The following AGBL1 variants were observed in gnomAD, a reference collection of about 807,000 sequenced individuals.
The protein encoded by AGBL1 is cytosolic carboxypeptidase 4.
A neutral mutation model predicts 118.9 loss-of-function variants in AGBL1; 130 were observed. That is an observed-to-expected ratio of 1.09 (90% CI 0.95 to 1.26). The LOEUF (loss-of-function observed/expected upper bound fraction) is 1.26, where lower values mean the gene tolerates loss of function less well. Ranked by LOEUF, AGBL1 falls within the 50% of genes most tolerant of loss-of-function variation. The pLI, the probability that AGBL1 is intolerant of heterozygous loss-of-function variation, is 0.00. For missense variants in AGBL1, 1,584 were observed against 1,298.1 expected, an observed-to-expected ratio of 1.22 and a Z score of -3.38; for synonymous variants, 555 against 478.9, an observed-to-expected ratio of 1.16 and a Z score of -2.08.
intron 6 of AGBL1, among the ~76,000 whole-genome samples, chr15:86,242,010 G>A (rs2078648872): frequency 1.3e-5 from 2 of 152,106 alleles, no homozygotes; most frequent in Non-Finnish European, 2.9e-5. Flanking sequence ...CTGTTCTTAT[G>A]ATAGTTAATA....
intron 17 of AGBL1, among the ~76,000 whole-genome samples, chr15:86,358,969 T>G (rs957197569): frequency 6.6e-6 from 1 of 152,010 alleles, no homozygotes; most frequent in African/African-American, 2.4e-5. Context: ...TTTTCCATTT[T>G]GTAGGTTGCT....
intron 22 of AGBL1, among the ~76,000 whole-genome samples, chr15:86,774,998 T>C (rs2141295363): frequency 6.6e-6 from 1 of 152,326 alleles, no homozygotes; most frequent in Non-Finnish European, 1.5e-5. Context: ...AATGTTCATT[T>C]GTTTATTCAT....
At chr15:86,374,475 G>A (rs2081010543) in intron 17 of AGBL1, among the ~76,000 whole-genome samples, 1 of 152,212 alleles carries the variant, frequency 6.6e-6, no homozygotes, top group Non-Finnish European at 1.5e-5. Flanking sequence ...CTTGTCTTGT[G>A]TATACACTGC....
intron 22 of AGBL1, among the ~76,000 whole-genome samples, chr15:86,788,200 T>A (rs894953788): frequency 4.6e-5 from 7 of 152,228 alleles, no homozygotes; most frequent in Non-Finnish European, 1.0e-4. Context: ...CTTAGATGCT[T>A]TCTTTGGTCT....
chr15:86,284,009 T>G (rs187110735), intron 16 of AGBL1, among the ~76,000 whole-genome samples: 1 of 152,014 alleles, frequency 6.6e-6, no homozygotes, highest in Non-Finnish European at 1.5e-5. Flanking sequence ...AGTGACTACA[T>G]AGGCTATTTC....
intron 17 of AGBL1, among the ~76,000 whole-genome samples, chr15:86,325,210 AAAT>A (rs1478359165): frequency 6.6e-6 from 1 of 152,228 alleles, no homozygotes; most frequent in Non-Finnish European, 1.5e-5. Context: ...TGTGGACAAA[AAAT>A]AATGAGTATA....
At chr15:86,487,868 G>A (rs1313983442) in intron 18 of AGBL1, among the ~76,000 whole-genome samples, 2 of 152,086 alleles carry the variant, frequency 1.3e-5, no homozygotes, top group African/African-American at 4.8e-5. Context: ...CCTGCATAAT[G>A]GAACATCGCT....
Position 86,482,125 on chromosome 15 carries a change from C to T in AGBL1, c.2556-40685C>T, listed in dbSNP as rs528468057. The stretch of plus-strand genomic sequence containing the variant: ...TGACTTATAACTGTGATGAGTTAAC[C>T]TACTTTTGTAATATATTTATAATCC... On this transcript the variant is annotated intron_variant, in intron 18 of 22. Transcript: ENST00000614907. Among the ~76,000 whole-genome samples, 5 of 152,228 alleles carry T rather than the reference C, an allele frequency of 3.3e-5. 1 individual carries two copies. In the South Asian group the frequency reaches 1.0e-3, roughly 32 times the overall value.
At chr15:86,883,733 T>C (rs1372413487) in intron 22 of AGBL1, among the ~76,000 whole-genome samples, 3 of 152,028 alleles carry the variant, frequency 2.0e-5, no homozygotes, top group Non-Finnish European at 4.4e-5. Flanking sequence ...CCTTCTTCCA[T>C]TTTTTTTCTA....
chr15:86,182,209 T>C (rs1419081685), intron 5 of AGBL1, among the ~76,000 whole-genome samples: 1 of 151,922 alleles, frequency 6.6e-6, no homozygotes, highest in Non-Finnish European at 1.5e-5. Flanking sequence ...CAATTCAAGG[T>C]CTTGCCTCTA....
At chr15:86,496,457 G>A (rs1239087745) in intron 18 of AGBL1, among the ~76,000 whole-genome samples, 1 of 151,972 alleles carries the variant, frequency 6.6e-6, no homozygotes, top group Non-Finnish European at 1.5e-5. Flanking sequence ...CAGCAGAGAT[G>A]ATATAGCTTT....
At chr15:86,607,959 C>T (rs900161729) in intron 21 of AGBL1, among the ~76,000 whole-genome samples, 3 of 152,070 alleles carry the variant, frequency 2.0e-5, no homozygotes, top group African/African-American at 7.2e-5. Context: ...TATCTATAAA[C>T]CATAAGAGAA....
intron 17 of AGBL1, among the ~76,000 whole-genome samples, chr15:86,370,378 C>T (rs1308835790): frequency 1.3e-5 from 2 of 149,050 alleles, no homozygotes; most frequent in African/African-American, 5.0e-5. Flanking sequence ...GATCTCGGCT[C>T]ACTGCAACCT....
intron 22 of AGBL1, among the ~76,000 whole-genome samples, chr15:86,887,876 G>A (rs971539169): frequency 5.3e-5 from 8 of 152,182 alleles, no homozygotes; most frequent in Non-Finnish European, 1.0e-4. Context: ...CTTGGATAAG[G>A]GGGTCACTAC....
intron 23 of AGBL1, among the ~76,000 whole-genome samples, chr15:86,930,634 T>C (rs2080593482): frequency 1.3e-5 from 2 of 152,144 alleles, no homozygotes; most frequent in Admixed American, 1.3e-4. Flanking sequence ...TTATCTGCCA[T>C]GTGCTAGCTG....
chr15:86,860,968 T>G (rs2079551868), intron 22 of AGBL1, among the ~76,000 whole-genome samples: 1 of 152,108 alleles, frequency 6.6e-6, no homozygotes, highest in South Asian at 2.1e-4. Context: ...AGCAGGGATG[T>G]GGGAAGCTGT....
In AGBL1 at chr15:86,976,524, C is replaced by T. The variant is rs928180434; in HGVS notation, c.3222-11463C>T. Among the ~76,000 whole-genome samples, 4 of 151,916 alleles carry T rather than the reference C, an allele frequency of 2.6e-5. No homozygotes were observed. In the South Asian group the frequency reaches 8.3e-4, roughly 31 times the overall value. The stretch of plus-strand genomic sequence containing the variant: ...CACGCTAGAATAAACAACTGTTTTG[C>T]TAACTTTTGCATGCCTTTTTCTTAG... On this transcript the variant is annotated intron_variant, in intron 23 of 24. Transcript: ENST00000441037.
chr15:86,748,814 G>T (rs2077800374), intron 22 of AGBL1, among the ~76,000 whole-genome samples: 1 of 151,860 alleles, frequency 6.6e-6, no homozygotes, highest in African/African-American at 2.4e-5. Flanking sequence ...AAGATCAGAT[G>T]GTTGTAGATG....
At chr15:86,779,941 A>C (rs1042458439) in intron 22 of AGBL1, among the ~76,000 whole-genome samples, 9 of 151,648 alleles carry the variant, frequency 5.9e-5, no homozygotes, top group South Asian at 2.1e-4. Flanking sequence ...ACACACACAC[A>C]CCCCTACACT....
Sources: gnomAD v4.1 joint callset for allele counts (sites outside exome capture counted in the v4.1 genomes callset) on GRCh38, gnomAD v4.1.1 for gene constraint, MANE v1.5 for transcripts, NCBI Gene and HGNC (gene_info 2026-07-23, HGNC 2026-07-21) for gene names.